Variants in PEF1 observed in about 807,000 individuals in gnomAD.
PEF1 encodes the protein peflin.
A neutral mutation model predicts 32.0 loss-of-function variants in PEF1; 17 were observed. That is an observed-to-expected ratio of 0.53 (90% CI 0.36 to 0.80). PEF1 has a LOEUF of 0.80. PEF1 is among the 30% of genes least tolerant of loss of function. The probability of loss-of-function intolerance (pLI) is 0.00; values close to 1 mark genes in which losing one functional copy is unlikely to be tolerated. For missense variants in PEF1, 362 were observed against 369.1 expected (o/e 0.98, Z 0.16); for synonymous variants, 130 against 139.8 (o/e 0.93, Z 0.50).
chr1:31,634,667 C>T (rs1449298617), intron 2 of PEF1, among the ~76,000 whole-genome samples: 1 of 152,126 alleles, frequency 6.6e-6, no homozygotes, highest in African/African-American at 2.4e-5. Flanking sequence ...GTTCAATAAT[C>T]TATTATTAGA....
intron 1 of PEF1, among the ~76,000 whole-genome samples, chr1:31,637,744 G>A (rs1383677538): frequency 6.6e-6 from 1 of 152,032 alleles, no homozygotes; most frequent in Non-Finnish European, 1.5e-5. Context: ...GAAGTAAGGT[G>A]GGAGCTCCAG....
intron 1 of PEF1, among the ~76,000 whole-genome samples, chr1:31,637,884 A>G (rs1640299112): frequency 1.3e-5 from 2 of 152,154 alleles, no homozygotes; most frequent in South Asian, 4.1e-4. Flanking sequence ...AGTGCCTGGC[A>G]TAAAGCAAAT....
intron 1 of PEF1, 79 bp from the exon 2 acceptor site, chr1:31,635,601 A>G (rs1284322605): frequency 8.4e-6 from 11 of 1,312,666 alleles, no homozygotes; most frequent in African/African-American, 1.5e-5. Flanking sequence ...ACCATAAAGC[A>G]CTTCCACCAC....
chr1:31,630,535 G>A lies in PEF1; in HGVS notation c.*78C>T. The A allele has an allele frequency of 7.5e-7, 1 of 1,341,516 alleles. No homozygotes were observed. The highest frequency in any genetic ancestry group is 1.2e-5 in the South Asian group (1 of 80,282). 83.1% of individuals were successfully genotyped at this position (1,341,516 alleles called of 1,614,324 possible). A position where few individuals can be genotyped will look rare whatever the true frequency, so the allele number is the denominator to read the frequency against. On this transcript the variant is annotated 3_prime_UTR_variant, in exon 5 of 5. Coordinates refer to ENST00000373703, the MANE Select transcript of PEF1 (RefSeq NM_012392.4). The stretch of plus-strand genomic sequence containing the variant: ...TTCTTCTAGAGGGACAGGAAAAGAA[G>A]AGATGTCCACATACTTCTCTCACTC...
chr1:31,636,004 A>G (rs1640243759), intron 1 of PEF1, among the ~76,000 whole-genome samples: 1 of 152,232 alleles, frequency 6.6e-6, no homozygotes, highest in African/African-American at 2.4e-5. Flanking sequence ...CACAAATGAC[A>G]TAGCTATAGC....
rs962851118 is a variant in PEF1, at chr1:31,644,682, G to A, written c.24+159C>T. 8 of 1,478,114 alleles carry A rather than the reference G, an allele frequency of 5.4e-6. No individual in the cohort carries two copies. In the African/African-American group the frequency reaches 8.4e-5, roughly 15 times the overall value. 91.6% of individuals were successfully genotyped at this position (1,478,114 alleles called of 1,614,324 possible). On this transcript the variant is annotated intron_variant, in intron 1 of 4. Coordinates refer to ENST00000373703, the MANE Select transcript of PEF1 (RefSeq NM_012392.4). ...GTCCTTCATGACGTGAGCAGGGCGCGACCGACGGTCCCTTTTCGGTTCTCT... is the reference window on the plus strand; with the variant it reads ...GTCCTTCATGACGTGAGCAGGGCGCAACCGACGGTCCCTTTTCGGTTCTCT...
intron 1 of PEF1, among the ~76,000 whole-genome samples, chr1:31,638,886 T>C (rs1355316210): frequency 9.2e-5 from 14 of 152,230 alleles, no homozygotes; most frequent in Non-Finnish European, 2.9e-5. Flanking sequence ...GGCTCTGTAG[T>C]AGATCTGAGG....
Position 31,635,519 on chromosome 1 carries a change from A to T in PEF1, c.28T>A (p.Cys10Ser). 1 of 1,511,700 alleles carries T rather than the reference A, an allele frequency of 6.6e-7. No individual in the cohort carries two copies. The highest frequency in any genetic ancestry group is 8.8e-7 in the Non-Finnish European group (1 of 1,130,602). The allele number at this position is 1,511,700 out of a possible 1,614,324, so 93.6% of individuals were successfully genotyped here. A position where few individuals can be genotyped will look rare whatever the true frequency, so the allele number is the denominator to read the frequency against. Reference sequence around the variant, plus strand: ...GGTGCTTGTCCTGCAGCTCCTGGGCAGCCCTGCAGGAAGAGCAAGATATCA... The same window carrying T: ...GGTGCTTGTCCTGCAGCTCCTGGGCTGCCCTGCAGGAAGAGCAAGATATCA... MASYPYRQG[C>S]PGAAGQAPGA... The change falls in exon 2 of 5, where the codon TGC becomes AGC. Residue 10 changes from cysteine (C) to serine (S), a missense_variant. Transcript: ENST00000373703.
rs567366719 is a variant in PEF1, at chr1:31,632,487, A to T, written c.625+8T>A. The T allele has an allele frequency of 1.2e-4, 186 of 1,614,198 alleles. 1 individual carries two copies. The South Asian group carries it at 1.9e-3, about 16-fold the overall frequency. On this transcript the variant is annotated splice_region_variant and intron_variant, in intron 4 of 4. Coordinates refer to ENST00000373703, the MANE Select transcript of PEF1 (RefSeq NM_012392.4). ...TCCTGCCCATCGTGCCCCGGCCATG[A>T]CCCGCACCTTGCTGCAGCTCTGTGT...
At chr1:31,637,723 T>C (rs1191691591) in intron 1 of PEF1, among the ~76,000 whole-genome samples, 1 of 151,380 alleles carries the variant, frequency 6.6e-6, no homozygotes, top group Non-Finnish European at 1.5e-5. Flanking sequence ...TACAAGAAAG[T>C]TGCTCTGGCT....
At chr1:31,634,779 C>T (rs1200471510) in intron 2 of PEF1, 2 of 448,376 alleles carry the variant, frequency 4.5e-6, no homozygotes, top group African/African-American at 4.0e-5. Context: ...TGATGTCAGT[C>T]TTGATCAGGG....
Position 31,632,582 on chromosome 1 carries a change from A to G in PEF1, c.538T>C (p.Trp180Arg). Residue 180 changes from tryptophan (W) to arginine (R), a missense_variant, in exon 4 of 5, where the codon TGG (tryptophan) becomes CGG (arginine). Coordinates refer to ENST00000373703, the MANE Select transcript of PEF1 (RefSeq NM_012392.4). Reference protein sequence around the residue: ...RIDVYGFSALWKFIQQWKNLF... With the variant: ...RIDVYGFSALRKFIQQWKNLF... ...TTCTTCCACTGCTGGATGAATTTCCACAGGGCTGAGAAGCCGTAGACATCG... is the reference window on the plus strand; with the variant it reads ...TTCTTCCACTGCTGGATGAATTTCCGCAGGGCTGAGAAGCCGTAGACATCG... 5 of 1,614,166 alleles carry G rather than the reference A, an allele frequency of 3.1e-6. No individual in the cohort carries two copies. Among genetic ancestry groups the G allele is most frequent in the African/African-American group, 1.3e-5 (1 of 75,030 alleles).
intron 1 of PEF1, among the ~76,000 whole-genome samples, chr1:31,637,643 C>CAA (rs11291039): frequency 1.4e-3 from 80 of 58,520 alleles, no homozygotes; most frequent in African/African-American, 4.5e-3. Flanking sequence ...ACCCTGTCTC[C>CAA]AAAAAAAAAA....
intron 1 of PEF1, among the ~76,000 whole-genome samples, chr1:31,639,622 G>GC (rs1405678029): frequency 6.6e-6 from 1 of 152,206 alleles, no homozygotes; most frequent in Non-Finnish European, 1.5e-5. Flanking sequence ...AGTGAGGGAG[G>GC]CAGTAGCCCA....
rs372657918 is a variant in PEF1 at position 31,632,446 on chromosome 1, G to A, written c.625+49C>T. On this transcript the variant is annotated intron_variant, in intron 4 of 4. Coordinates refer to ENST00000373703, the MANE Select transcript of PEF1 (RefSeq NM_012392.4). ...TTTGTTGTATCTTAGGGTGTAAAGA[G>A]AAGAGTCTAGCTCTGTCCTGCCCAT... 224 of 1,613,754 alleles carry A rather than the reference G, an allele frequency of 1.4e-4. 1 individual carries two copies. Among genetic ancestry groups the A allele is most frequent in the Middle Eastern group, 1.6e-4 (1 of 6,084 alleles).
intron 4 of PEF1, among the ~76,000 whole-genome samples, chr1:31,631,915 C>T (rs1178077400): frequency 9.3e-6 from 1 of 108,074 alleles, no homozygotes; most frequent in Admixed American, 9.2e-5. Context: ...GCAAAGCTCC[C>T]TCTTGGGTCC....
intron 4 of PEF1, among the ~76,000 whole-genome samples, chr1:31,631,858 G>A (rs1034436020): frequency 6.6e-5 from 10 of 152,134 alleles, no homozygotes; most frequent in Admixed American, 1.3e-4. Context: ...TCCACAGCCT[G>A]GGCAAAGGAC....
chr1:31,637,943 A>G (rs989898739), intron 1 of PEF1, among the ~76,000 whole-genome samples: 1 of 152,246 alleles, frequency 6.6e-6, no homozygotes, highest in Non-Finnish European at 1.5e-5. Flanking sequence ...TGTTATCAGC[A>G]AAGTCCTGGG....
At position 31,630,753 on chromosome 1, in the gene PEF1, G is replaced by A. The variant is rs1640074882; in HGVS notation, c.715C>T (p.Gln239Ter). Residue 239 changes from glutamine (Q) to a stop codon, truncating the protein, a stop_gained, in exon 5 of 5, where the codon CAG (glutamine) becomes TAG (stop). Transcript: ENST00000373703. LOFTEE classifies it high-confidence loss of function. Reference sequence around the variant, plus strand: ...CACACCTGGATGAAGCGGTCAAGCTGCATGGCAGGATTGGCAGAGCGTGGG... The same window carrying A: ...CACACCTGGATGAAGCGGTCAAGCTACATGGCAGGATTGGCAGAGCGTGGG... ...YCPRSANPAM[Q>*]LDRFIQVCTQ... 1 of 1,614,012 alleles carries A rather than the reference G, an allele frequency of 6.2e-7. No homozygotes were observed. Among genetic ancestry groups the A allele is most frequent in the South Asian group, 1.1e-5 (1 of 91,084 alleles).
Sources: allele counts gnomAD v4.1 joint callset (sites outside exome capture counted in the v4.1 genomes callset), GRCh38; gene constraint gnomAD v4.1.1; transcripts MANE v1.5; gene names NCBI Gene and HGNC (gene_info 2026-07-23, HGNC 2026-07-21).